Variants in GABRB3 observed in about 807,000 individuals in gnomAD.
GABRB3 encodes gamma-aminobutyric acid type A receptor subunit beta3.
GABRB3 carries 14 observed loss-of-function variants against 52.1 expected under a neutral mutation model. The ratio of observed to expected loss-of-function variants is 0.27; its 90% CI spans 0.18 to 0.42. The LOEUF (loss-of-function observed/expected upper bound fraction) is 0.42. Among genes scored for constraint, GABRB3 ranks in the 10% least tolerant of loss-of-function variants. The pLI, the probability that GABRB3 is intolerant of heterozygous loss-of-function variation, is 1.00. For missense variants in GABRB3, 307 were observed against 609.1 expected, an observed-to-expected ratio of 0.50 and a Z score of 5.22; for synonymous variants, 260 against 232.3, an observed-to-expected ratio of 1.12 and a Z score of -1.08.
chr15:26,772,290 C>A (rs1421404563), intron 3 of GABRB3, 112 bp downstream of exon 3: 4 of 929,796 alleles, frequency 4.3e-6, no homozygotes, highest in South Asian at 3.0e-5. Flanking sequence ...CTCTGCGGAC[C>A]GGGGAAACTC....
upstream of GABRB3, chr15:26,773,122 G>A (rs1891205349): frequency 1.5e-6 from 1 of 654,150 alleles, no homozygotes; most frequent in Non-Finnish European, 1.9e-6. Flanking sequence ...AGCGGGCGCT[G>A]GGAGAGGAAG....
At chr15:26,608,984 A>T (rs1338054882) in intron 4 of GABRB3, among the ~76,000 whole-genome samples, 1 of 152,010 alleles carries the variant, frequency 6.6e-6, no homozygotes, top group Non-Finnish European at 1.5e-5. Context: ...TGCTGAAGGG[A>T]TGTTAGCACT....
At chr15:26,615,534 G>T in intron 4 of GABRB3, 1 of 780,884 alleles carries the variant, frequency 1.3e-6, no homozygotes, top group Non-Finnish European at 1.6e-6. Context: ...ACAAGAATGT[G>T]ATCACTCTCA....
chr15:26,609,135 CAA>C (rs1233206435), intron 4 of GABRB3, among the ~76,000 whole-genome samples: 1 of 121,006 alleles, frequency 8.3e-6, no homozygotes, highest in African/African-American at 2.7e-5. Flanking sequence ...CACACACACA[CAA>C]TGGAATGCTA....
chr15:26,759,929 G>A (rs909719339), intron 3 of GABRB3, among the ~76,000 whole-genome samples: 3 of 152,150 alleles, frequency 2.0e-5, no homozygotes, highest in African/African-American at 4.8e-5. Flanking sequence ...GCTCACTGAA[G>A]GTTTTATTCA....
intron 8 of GABRB3, among the ~76,000 whole-genome samples, chr15:26,557,107 A>G (rs745427615): frequency 5.3e-5 from 8 of 152,224 alleles, no homozygotes; most frequent in Non-Finnish European, 1.0e-4. Flanking sequence ...CATAAAAAGA[A>G]GATCATGTCC....
At chr15:26,767,156 C>T (rs1394830964) in intron 3 of GABRB3, 1 of 152,138 alleles carries the variant, frequency 6.6e-6, no homozygotes, top group African/African-American at 2.4e-5. Context: ...CCTTACCTCC[C>T]AAATGGAGCA....
At position 26,748,015 on chromosome 15, in the gene GABRB3, G is replaced by C. The variant is rs540118869; in HGVS notation, c.240+24387C>G. On this transcript the variant is annotated intron_variant, in intron 3 of 8. Coordinates refer to ENST00000311550, the MANE Select transcript of GABRB3 (RefSeq NM_000814.6). ...TTTTCTTTAGCCTGTCAATACTGTG[G>C]ATACACTGGTTGATTTTCAACTCTT... Among the ~76,000 whole-genome samples, 11 of 137,106 alleles carry C rather than the reference G, an allele frequency of 8.0e-5. No individual in the cohort carries two copies. In the South Asian group the frequency reaches 2.4e-3, roughly 30 times the overall value. 89.9% of individuals were successfully genotyped at this position (137,106 alleles called of 152,430 possible). A position where few individuals can be genotyped will look rare whatever the true frequency, so the allele number is the denominator to read the frequency against.
At chr15:26,585,508 TC>T (rs36057010) in intron 4 of GABRB3, among the ~76,000 whole-genome samples, 23,667 of 150,136 alleles carry the variant, frequency 0.16, 1,846 homozygotes, top group African/African-American at 0.19. Flanking sequence ...AGTATGTCCT[TC>T]CATTAGCATC....
chr15:26,749,789 T>C (rs1017946810), intron 3 of GABRB3: 26 of 152,232 alleles, frequency 1.7e-4, no homozygotes, highest in African/African-American at 6.3e-4. Flanking sequence ...GTCTGTCTGC[T>C]TGTCAGCAGT....
intron 3 of GABRB3, among the ~76,000 whole-genome samples, chr15:26,760,363 A>C (rs1391187534): frequency 2.6e-5 from 4 of 152,198 alleles, no homozygotes; most frequent in Non-Finnish European, 5.9e-5. Context: ...GATCAAACTG[A>C]GTCTGAACGA....
At chr15:26,734,638 CA>C (rs527622047) in intron 3 of GABRB3, among the ~76,000 whole-genome samples, 45,125 of 96,164 alleles carry the variant, frequency 0.47, 7,751 homozygotes, top group African/African-American at 0.54. Flanking sequence ...GGGTGAGTCT[CA>C]AAAAAAAAAA....
At chr15:26,698,255 A>G (rs1381790033) in intron 3 of GABRB3, among the ~76,000 whole-genome samples, 1 of 152,208 alleles carries the variant, frequency 6.6e-6, no homozygotes, top group Non-Finnish European at 1.5e-5. Context: ...GAGAAAATGC[A>G]ATAAAGTGTT....
rs537508574 is a variant in GABRB3 at position 26,647,782 on chromosome 15, G to A, written c.241-26248C>T. ...GGGACTGTTAGAAAAGGCAGGATAA[G>A]GCAGGATCCCAGAGCGGGGCTGCCT... On this transcript the variant is annotated intron_variant, in intron 3 of 8. Transcript: ENST00000311550. Among the ~76,000 whole-genome samples, 5 of 152,286 alleles carry A rather than the reference G, an allele frequency of 3.3e-5. No individual in the cohort carries two copies. The East Asian group carries it at 9.7e-4, about 29-fold the overall frequency.
intron 3 of GABRB3, among the ~76,000 whole-genome samples, chr15:26,679,460 G>A (rs1888171541): frequency 6.6e-6 from 1 of 152,130 alleles, no homozygotes; most frequent in Admixed American, 6.6e-5. Flanking sequence ...CTATGATGTG[G>A]TGTCTATTAT....
intron 6 of GABRB3, among the ~76,000 whole-genome samples, chr15:26,576,558 T>C (rs1297497036): frequency 6.6e-6 from 1 of 152,082 alleles, no homozygotes; most frequent in East Asian, 1.9e-4. Flanking sequence ...TTTAAATAAA[T>C]CTGCTTGAGG....
At chr15:26,555,511 T>A (rs1889720527) in intron 8 of GABRB3, among the ~76,000 whole-genome samples, 2 of 152,188 alleles carry the variant, frequency 1.3e-5, no homozygotes, top group African/African-American at 4.8e-5. Flanking sequence ...TCTCTAAGGC[T>A]GTGCCCTTGA....
At chr15:26,630,680 T>G (rs1280850376) in intron 3 of GABRB3, among the ~76,000 whole-genome samples, 1 of 152,196 alleles carries the variant, frequency 6.6e-6, no homozygotes, top group African/African-American at 2.4e-5. Context: ...AAAAAGCCAT[T>G]TATTCATCTT....
intron 7 of GABRB3, among the ~76,000 whole-genome samples, chr15:26,562,073 A>G (rs1441795143): frequency 1.3e-5 from 2 of 152,154 alleles, no homozygotes; most frequent in African/African-American, 2.4e-5. Context: ...TCCCTCCCAT[A>G]GCAATAGACA....
Sources: gnomAD v4.1 joint callset for allele counts (sites outside exome capture counted in the v4.1 genomes callset) on GRCh38, gnomAD v4.1.1 for gene constraint, MANE v1.5 for transcripts, NCBI Gene and HGNC (gene_info 2026-07-23, HGNC 2026-07-21) for gene names.